The following PSMD14 variants were observed in gnomAD, a reference collection of about 807,000 sequenced individuals.
PSMD14 encodes the protein proteasome 26S subunit, non-ATPase 14, also known as ubiquitin C-terminal hydrolase PSMD14.
In PSMD14, 7 loss-of-function variants were observed where a neutral mutation model predicts 41.2. That is an observed-to-expected ratio of 0.17 (90% CI 0.10 to 0.32). PSMD14 has a LOEUF of 0.32. Ranked by LOEUF, PSMD14 falls within the 10% of genes least tolerant of loss-of-function variation. PSMD14 has a pLI of 1.00. For synonymous variants in PSMD14, 114 were observed against 122.3 expected (o/e 0.93, Z 0.45); for missense variants, 139 against 375.6 (o/e 0.37, Z 5.21).
At chr2:161,389,794 T>A (rs986387623) in intron 8 of PSMD14, among the ~76,000 whole-genome samples, 3 of 151,410 alleles carry the variant, frequency 2.0e-5, no homozygotes, top group Non-Finnish European at 4.4e-5. Context: ...GGCTATGGAA[T>A]CAGAATGACC....
chr2:161,342,333 C>CTT (rs34424898), intron 3 of PSMD14, among the ~76,000 whole-genome samples: 27 of 147,302 alleles, frequency 1.8e-4, no homozygotes, highest in East Asian at 1.6e-3. Context: ...TTTGTTGAGA[C>CTT]TTTTTTTTTT....
At chr2:161,371,831 G>A (rs1250659749) in intron 7 of PSMD14, among the ~76,000 whole-genome samples, 1 of 152,068 alleles carries the variant, frequency 6.6e-6, no homozygotes, top group Non-Finnish European at 1.5e-5. Context: ...GAGTGAGGAC[G>A]CAAATGAATG....
In PSMD14 at chr2:161,334,000, C is replaced by T. The variant is rs554386600; in HGVS notation, c.48+15127C>T. Among the ~76,000 whole-genome samples the T allele has an allele frequency of 2.0e-5, 3 of 151,962 alleles. No individual in the cohort carries two copies. The South Asian group carries it at 6.2e-4, about 32-fold the overall frequency. ...GAGCTGAGATGGCGCCACTGCACTCCAGCCTGGGACAGAGCAAGACTCCAT... is the reference window on the plus strand; with the variant it reads ...GAGCTGAGATGGCGCCACTGCACTCTAGCCTGGGACAGAGCAAGACTCCAT... On this transcript the variant is annotated intron_variant, in intron 3 of 11. Coordinates refer to ENST00000409682, the MANE Select transcript of PSMD14 (RefSeq NM_005805.6).
chr2:161,355,771 T>TA (rs1391608808), intron 3 of PSMD14, among the ~76,000 whole-genome samples: 1 of 152,200 alleles, frequency 6.6e-6, no homozygotes, highest in African/African-American at 2.4e-5. Context: ...ATTATGGGAA[T>TA]AAAAAATTTC....
At chr2:161,381,552 G>A (rs1417664312) in intron 7 of PSMD14, 1 of 151,846 alleles carries the variant, frequency 6.6e-6, no homozygotes, top group Non-Finnish European at 1.5e-5. Context: ...TCCTTCGGAT[G>A]TAAAAATTGG....
chr2:161,383,181 G>A (rs1171285777), intron 7 of PSMD14: 1 of 151,864 alleles, frequency 6.6e-6, no homozygotes, highest in Non-Finnish European at 1.5e-5. Flanking sequence ...AGTGCAAAAA[G>A]CAATTATAAA....
At chr2:161,369,897 T>C (rs1683409745) in intron 5 of PSMD14, among the ~76,000 whole-genome samples, 1 of 152,064 alleles carries the variant, frequency 6.6e-6, no homozygotes, top group Non-Finnish European at 1.5e-5. Context: ...ATCCTGAAAG[T>C]GGGCTTAACT....
At chr2:161,347,135 C>T (rs140684833) in intron 3 of PSMD14, among the ~76,000 whole-genome samples, 1 of 152,236 alleles carries the variant, frequency 6.6e-6, no homozygotes, top group Non-Finnish European at 1.5e-5. Context: ...TAGGGTAAGG[C>T]TCACCTCATT....
At chr2:161,328,811 A>G (rs1039018399) in intron 3 of PSMD14, among the ~76,000 whole-genome samples, 5 of 152,178 alleles carry the variant, frequency 3.3e-5, no homozygotes, top group East Asian at 3.8e-4. Context: ...GGGAGGCAAA[A>G]GGAACTTCAA....
At chr2:161,392,260 A>G (rs1435323141) in intron 9 of PSMD14, among the ~76,000 whole-genome samples, 1 of 152,220 alleles carries the variant, frequency 6.6e-6, no homozygotes, top group Admixed American at 6.5e-5. Context: ...ATTTTTTAAA[A>G]GAACACTGAG....
At chr2:161,336,917 T>C (rs1682880312) in intron 3 of PSMD14, among the ~76,000 whole-genome samples, 1 of 152,228 alleles carries the variant, frequency 6.6e-6, no homozygotes, top group African/African-American at 2.4e-5. Context: ...CAATTATTAA[T>C]AAGCTCATTT....
In PSMD14 at chr2:161,382,710, C is replaced by T. The variant is rs376150770; in HGVS notation, c.463-2754C>T. The T allele has an allele frequency of 3.3e-5, 5 of 151,692 alleles. No individual in the cohort carries two copies. The East Asian group carries it at 5.8e-4, about 18-fold the overall frequency. The allele number at this position is 151,692 out of a possible 1,614,324, so 9.4% of individuals were successfully genotyped here. On this transcript the variant is annotated intron_variant, in intron 7 of 11. Transcript: ENST00000409682. Reference sequence around the variant, plus strand: ...CTTCATACTTTAGCTCAGAGGTTTTCGTTATTATATATTAAGGAGATAGTT... The same window carrying T: ...CTTCATACTTTAGCTCAGAGGTTTTTGTTATTATATATTAAGGAGATAGTT...
intron 3 of PSMD14, among the ~76,000 whole-genome samples, chr2:161,327,599 C>G (rs1191389786): frequency 2.6e-5 from 4 of 151,968 alleles, no homozygotes; most frequent in Non-Finnish European, 5.9e-5. Flanking sequence ...TCAAAAGATT[C>G]ATAATTTGAC....
chr2:161,361,803 T>C (rs1311286503), intron 3 of PSMD14, among the ~76,000 whole-genome samples: 2 of 152,210 alleles, frequency 1.3e-5, no homozygotes, highest in Admixed American at 1.3e-4. Context: ...TGACAAATTT[T>C]GCTCAGTCTT....
At chr2:161,365,650 C>T (rs533286180) in intron 3 of PSMD14, among the ~76,000 whole-genome samples, 8 of 152,014 alleles carry the variant, frequency 5.3e-5, no homozygotes, top group East Asian at 3.9e-4. Context: ...ATACAGTGTT[C>T]GTTAACCTAT....
rs530928867 is a variant in PSMD14 at position 161,407,120 on chromosome 2, T to G, written c.772-1717T>G. ...CACTGAATGGGTATGGAGTACAAAC[T>G]TATGTGAATTGTTCCATTCATCTAA... On this transcript the variant is annotated intron_variant, in intron 10 of 11. Coordinates refer to ENST00000409682, the MANE Select transcript of PSMD14 (RefSeq NM_005805.6). 3.4e-4 allele frequency among the ~76,000 whole-genome samples: 52 copies of G among 152,238 alleles called. 1 individual carries two copies. The South Asian group carries it at 0.01, about 30-fold the overall frequency.
chr2:161,375,095 T>C (rs971431203), intron 7 of PSMD14, among the ~76,000 whole-genome samples: 4 of 152,038 alleles, frequency 2.6e-5, no homozygotes, highest in African/African-American at 9.7e-5. Context: ...CTTTAAAAAA[T>C]GTGATGTTTA....
intron 10 of PSMD14, among the ~76,000 whole-genome samples, chr2:161,400,824 G>T (rs891625458): frequency 7.3e-5 from 11 of 151,702 alleles, no homozygotes; most frequent in Non-Finnish European, 1.5e-4. Context: ...GGGATTACAG[G>T]CATGAGCCAT....
intron 3 of PSMD14, among the ~76,000 whole-genome samples, chr2:161,337,389 A>G (rs961851996): frequency 3.3e-5 from 5 of 152,244 alleles, no homozygotes; most frequent in African/African-American, 1.2e-4. Context: ...ACTATACCAA[A>G]TGCCTTACAT....
Sources: allele counts gnomAD v4.1 joint callset (sites outside exome capture counted in the v4.1 genomes callset), GRCh38; gene constraint gnomAD v4.1.1; transcripts MANE v1.5; gene names NCBI Gene and HGNC (gene_info 2026-07-23, HGNC 2026-07-21).